Variants in SEPTIN7 observed in about 807,000 individuals in gnomAD.
The protein encoded by SEPTIN7 is septin 7.
A neutral mutation model predicts 63.3 loss-of-function variants in SEPTIN7; 10 were observed. The ratio of observed to expected loss-of-function variants is 0.16; its 90% CI spans 0.10 to 0.27. SEPTIN7 has a LOEUF of 0.27. SEPTIN7 is among the 10% of genes least tolerant of loss of function. The probability of loss-of-function intolerance (pLI) is 1.00; values close to 1 mark genes in which losing one functional copy is unlikely to be tolerated. For missense variants in SEPTIN7, 310 were observed against 521.0 expected (o/e 0.59, Z 3.94); for synonymous variants, 131 against 165.3 (o/e 0.79, Z 1.59).
At chr7:35,894,915 G>A (rs1787872185) in intron 11 of SEPTIN7, among the ~76,000 whole-genome samples, 1 of 152,114 alleles carries the variant, frequency 6.6e-6, no homozygotes, top group Non-Finnish European at 1.5e-5. Flanking sequence ...TCTCTTATTG[G>A]TCACATGAAG....
rs772840962 is a variant in SEPTIN7, at chr7:35,879,972, T to C, written c.630+32T>C. 92 of 1,248,942 alleles carry C rather than the reference T, an allele frequency of 7.4e-5. No individual in the cohort carries two copies. In the Middle Eastern group the frequency reaches 7.4e-4, roughly 10 times the overall value. 77.4% of individuals were successfully genotyped at this position (1,248,942 alleles called of 1,614,324 possible). On this transcript the variant is annotated intron_variant, in intron 7 of 13. Transcript: ENST00000350320. ...AGGATGTGTTAACCCAGGTTTCTTA[T>C]ACCGTTCTCATAATTTGCAGTTTTT...
chr7:35,864,777 A>C (rs543244748), intron 4 of SEPTIN7, among the ~76,000 whole-genome samples: 2 of 152,310 alleles, frequency 1.3e-5, no homozygotes, highest in East Asian at 3.9e-4. Context: ...TATATAGGAC[A>C]TGAGCAGAGA....
chr7:35,818,782 CCTTTTTATTT>C (rs1396400345), intron 1 of SEPTIN7, among the ~76,000 whole-genome samples: 5 of 151,206 alleles, frequency 3.3e-5, no homozygotes, highest in Non-Finnish European at 7.4e-5. Context: ...TTCATAGGTT[CCTTTTTATTT>C]CTGAAAGGTT....
chr7:35,847,122 A>C lies in SEPTIN7; in HGVS notation c.169+14222A>C, dbSNP rs147384465. 1.3e-3 allele frequency: 232 copies of C among 181,820 alleles called. 1 individual carries two copies. The highest frequency in any genetic ancestry group is 4.9e-3 in the African/African-American group (207 of 42,538). 11.3% of individuals were successfully genotyped at this position (181,820 alleles called of 1,614,324 possible). On this transcript the variant is annotated intron_variant, in intron 3 of 13. Coordinates refer to ENST00000350320, the MANE Select transcript of SEPTIN7 (RefSeq NM_001788.6). ...GGGAGTCTGCAGCTGTGACACATAG[A>C]AGTTGGCCGTGTCCAGATTGGTGGC...
intron 1 of SEPTIN7, among the ~76,000 whole-genome samples, chr7:35,806,105 G>T (rs142490308): frequency 1.3e-5 from 2 of 152,148 alleles, no homozygotes; most frequent in African/African-American, 2.4e-5. Context: ...AATGTCACGT[G>T]GGGGAGCAGA....
At chr7:35,883,823 A>C (rs1787056219) in intron 8 of SEPTIN7, 68 bp from the exon 9 acceptor site, 9 of 933,724 alleles carry the variant, frequency 9.6e-6, no homozygotes, top group Middle Eastern at 3.5e-4. Flanking sequence ...GAGTAATGTA[A>C]CTTTTTTTAT....
At chr7:35,873,801 CT>C (rs1786306743) in intron 6 of SEPTIN7, 26 bp downstream of exon 6, 4 of 1,602,272 alleles carry the variant, frequency 2.5e-6, no homozygotes, top group East Asian at 2.2e-5. Flanking sequence ...CTTCTGATTC[CT>C]TTTTTGTTGT....
chr7:35,883,463 C>T (rs1787024036), intron 8 of SEPTIN7, among the ~76,000 whole-genome samples: 1 of 152,056 alleles, frequency 6.6e-6, no homozygotes, highest in African/African-American at 2.4e-5. Context: ...AAAGTTAGAG[C>T]TTAACAAATA....
chr7:35,894,308 T>G (rs1787832776), intron 11 of SEPTIN7, among the ~76,000 whole-genome samples: 1 of 152,028 alleles, frequency 6.6e-6, no homozygotes, highest in Non-Finnish European at 1.5e-5. Flanking sequence ...CACACCCTTG[T>G]CTCTCTTTCC....
intron 4 of SEPTIN7, among the ~76,000 whole-genome samples, chr7:35,872,307 A>G (rs1458397261): frequency 1.3e-5 from 2 of 152,160 alleles, no homozygotes; most frequent in Non-Finnish European, 1.5e-5. Flanking sequence ...AAATCACTCA[A>G]ACTGCTTATT....
At chr7:35,852,495 T>G (rs1785010007) in intron 3 of SEPTIN7, among the ~76,000 whole-genome samples, 1 of 152,154 alleles carries the variant, frequency 6.6e-6, no homozygotes, top group Non-Finnish European at 1.5e-5. Flanking sequence ...ATTTACACCT[T>G]CAGGGTACTT....
intron 1 of SEPTIN7, among the ~76,000 whole-genome samples, chr7:35,808,547 C>T (rs965979555): frequency 7.2e-5 from 11 of 152,180 alleles, no homozygotes; most frequent in African/African-American, 2.4e-4. Flanking sequence ...TCTTACCATT[C>T]TGGAAGCTAG....
intron 1 of SEPTIN7, chr7:35,815,203 A>G (rs1583494213): frequency 1.2e-5 from 5 of 426,496 alleles, no homozygotes; most frequent in African/African-American, 8.3e-5. Context: ...CTTGGAATCA[A>G]CCATTGTCCA....
rs764756646 is a variant in SEPTIN7 at position 35,903,180 on chromosome 7, T to C, written c.1239T>C (p.Ala413=). The part of the protein sequence containing the change: ...QFEDEKANWE[A]QQRILEQQNS... ...AGGATGAGAAAGCAAACTGGGAAGC[T>C]CAACAACGTATTTTAGAACAACAGA... Residue 413 remains alanine (A), a synonymous_variant, in exon 13 of 14, where the codon GCT becomes GCC. Coordinates refer to ENST00000350320, the MANE Select transcript of SEPTIN7 (RefSeq NM_001788.6). 1 of 1,600,818 alleles carries C rather than the reference T, an allele frequency of 6.2e-7. No homozygotes were observed. The highest frequency in any genetic ancestry group is 8.5e-7 in the Non-Finnish European group (1 of 1,174,734).
intron 3 of SEPTIN7, among the ~76,000 whole-genome samples, chr7:35,835,550 G>A (rs779566514): frequency 3.9e-5 from 6 of 152,104 alleles, no homozygotes; most frequent in Non-Finnish European, 5.9e-5. Context: ...AGTTAGTCTG[G>A]GATGTTCTTA....
At chr7:35,841,952 C>T (rs982998175) in intron 3 of SEPTIN7, among the ~76,000 whole-genome samples, 1 of 152,158 alleles carries the variant, frequency 6.6e-6, no homozygotes, top group Admixed American at 6.5e-5. Flanking sequence ...GACTGTATCA[C>T]ATAAGTCTGA....
At chr7:35,850,414 C>T (rs1415744364) in intron 3 of SEPTIN7, among the ~76,000 whole-genome samples, 1 of 152,144 alleles carries the variant, frequency 6.6e-6, no homozygotes, top group Non-Finnish European at 1.5e-5. Flanking sequence ...TAGAAAAGCT[C>T]CACAGTGTGA....
At chr7:35,896,141 C>T (rs912990529) in intron 11 of SEPTIN7, among the ~76,000 whole-genome samples, 8 of 152,158 alleles carry the variant, frequency 5.3e-5, no homozygotes, top group Non-Finnish European at 7.3e-5. Flanking sequence ...CATGTTTTAT[C>T]CGCAGTCTCT....
intron 3 of SEPTIN7, among the ~76,000 whole-genome samples, chr7:35,850,104 C>T (rs1784888660): frequency 6.6e-6 from 1 of 152,176 alleles, no homozygotes; most frequent in Non-Finnish European, 1.5e-5. Context: ...CTTGGAAACA[C>T]TTGCCTAGAT....
Sources: allele counts gnomAD v4.1 joint callset (sites outside exome capture counted in the v4.1 genomes callset), GRCh38; gene constraint gnomAD v4.1.1; transcripts MANE v1.5; gene names NCBI Gene and HGNC (gene_info 2026-07-23, HGNC 2026-07-21).